NCOA4: variants seen among roughly 807,000 people sequenced by gnomAD.
NCOA4 encodes the protein 70 kDa AR-activator.
A neutral mutation model predicts 69.5 loss-of-function variants in NCOA4; 31 were observed. The ratio of observed to expected loss-of-function variants is 0.45; its 90% CI spans 0.34 to 0.60. The LOEUF is 0.60. Ranked by LOEUF, NCOA4 falls within the 20% of genes least tolerant of loss-of-function variation. The pLI, the probability that NCOA4 is intolerant of heterozygous loss-of-function variation, is 0.02. For missense variants in NCOA4, 600 were observed against 719.2 expected, an observed-to-expected ratio of 0.83 and a Z score of 1.90; for synonymous variants, 228 against 252.4, an observed-to-expected ratio of 0.90 and a Z score of 0.92.
chr10:46,020,421 G>A (rs1258571493), intron 1 of NCOA4, among the ~76,000 whole-genome samples: 4 of 152,186 alleles, frequency 2.6e-5, no homozygotes, highest in African/African-American at 9.7e-5. Flanking sequence ...ACTTAGCCTA[G>A]CACCTGCACA....
At position 46,010,674 on chromosome 10, in the gene NCOA4, C is replaced by T. The variant is rs782306779; in HGVS notation, c.1247G>A (p.Cys416Tyr). 72 of 1,614,072 alleles carry T rather than the reference C, an allele frequency of 4.5e-5. No individual in the cohort carries two copies. The Middle Eastern group carries it at 9.9e-4, about 22-fold the overall frequency. The change falls in exon 8 of 10, where the codon TGT (cysteine) becomes TAT (tyrosine). Residue 416 changes from cysteine (C) to tyrosine (Y), a missense_variant. Cys to Tyr is a radical substitution (Grantham distance 194, BLOSUM62 -2). Transcript: ENST00000581486. ...ANEPCTSFAE[C>Y]VCDENCEKEA... ...CTTCTCACAATTCTCATCACACACA[C>T]ACTCTGCAAAGCTTGTGCAGGGCTC...
intron 4 of NCOA4, 133 bp from the exon 5 acceptor site, chr10:46,014,685 G>C: frequency 1.3e-6 from 1 of 770,276 alleles, no homozygotes; most frequent in Non-Finnish European, 2.1e-6. Context: ...AAGATAGATG[G>C]CTTATTCATG....
intron 1 of NCOA4, among the ~76,000 whole-genome samples, chr10:46,027,008 G>A (rs1398138320): frequency 6.6e-6 from 1 of 152,176 alleles, no homozygotes; most frequent in Non-Finnish European, 1.5e-5. Flanking sequence ...GCTCACGCCT[G>A]TAATCCCAAA....
rs71026286 is a variant in NCOA4, at chr10:46,012,070, G to GAAAAAAAAAAAAAAAAAAAAAA, written c.714+791_714+812dup. ...AGCAAGACTCGGTCTCAAAAAGAAAGAAAAAAAAAAAAAAAAAAAAAAAAA... is the reference window on the plus strand; with the variant it reads ...AGCAAGACTCGGTCTCAAAAAGAAAGAAAAAAAAAAAAAAAAAAAAAAAAAAAAAAAAAAAAAAAAAAAAAAA... On this transcript the variant is annotated intron_variant, in intron 7 of 9. Transcript: ENST00000581486. Among the ~76,000 whole-genome samples, 42 of 44,532 alleles carry GAAAAAAAAAAAAAAAAAAAAAA rather than the reference G, an allele frequency of 9.4e-4. 5 individuals carry two copies. The highest frequency in any genetic ancestry group is 1.3e-3 in the Non-Finnish European group (32 of 24,396). 29.2% of individuals were successfully genotyped at this position (44,532 alleles called of 152,430 possible).
chr10:46,010,731 G>C lies in NCOA4; in HGVS notation c.1190C>G (p.Pro397Arg). The C allele has an allele frequency of 1.9e-6, 3 of 1,613,876 alleles. No homozygotes were observed. Among genetic ancestry groups the C allele is most frequent in the Non-Finnish European group, 1.7e-6 (2 of 1,179,864 alleles). The change falls in exon 8 of 10, where the codon CCA (proline) becomes CGA (arginine). Residue 397 changes from proline to arginine, a missense_variant. Coordinates refer to ENST00000581486, the MANE Select transcript of NCOA4 (RefSeq NM_001145263.2). ...EDWLVQNHQD[P>R]CKVEEVCRAN... ...TCTGCACACCTCCTCTACCTTACAT[G>C]GGTCCTGATGGTTCTGGACAAGCCA...
intron 1 of NCOA4, chr10:46,022,364 T>C (rs1012263251): frequency 1.0e-4 from 45 of 446,316 alleles, no homozygotes; most frequent in Non-Finnish European, 4.1e-5. Flanking sequence ...GTAAAGCTTT[T>C]AGTTTAAAAA....
intron 7 of NCOA4, among the ~76,000 whole-genome samples, chr10:46,012,067 A>AAAG: frequency 8.6e-6 from 1 of 116,236 alleles, no homozygotes; most frequent in Non-Finnish European, 1.8e-5. Context: ...TCTCAAAAAG[A>AAAG]AAGAAAAAAA....
chr10:46,019,596 C>G (rs1448852502), intron 1 of NCOA4: 2 of 848,516 alleles, frequency 2.4e-6, no homozygotes, highest in Non-Finnish European at 2.8e-6. Context: ...ATACGGGAGA[C>G]AAACTCAAAT....
intron 1 of NCOA4, among the ~76,000 whole-genome samples, chr10:46,019,692 G>C (rs1839760997): frequency 6.6e-6 from 1 of 152,134 alleles, no homozygotes; most frequent in East Asian, 1.9e-4. Flanking sequence ...AATAAGAGTA[G>C]ACTACAGCAA....
At position 46,013,939 on chromosome 10, in the gene NCOA4, TAG is replaced by T. The variant is rs1317886794; in HGVS notation, c.481-302_481-301del. On this transcript the variant is annotated intron_variant, in intron 5 of 9. Transcript: ENST00000581486. ...TTACAAAAAATATTTCAAAAGTATT[TAG>T]AGAGATACATGAGGCATTCCAAAGA... 7.2e-5 allele frequency among the ~76,000 whole-genome samples: 11 copies of T among 152,332 alleles called. No individual in the cohort carries two copies. The East Asian group carries it at 2.1e-3, about 29-fold the overall frequency.
intron 9 of NCOA4, among the ~76,000 whole-genome samples, chr10:46,007,212 A>C (rs1838882565): frequency 6.6e-6 from 1 of 152,230 alleles, no homozygotes; most frequent in Non-Finnish European, 1.5e-5. Flanking sequence ...TAGGAGATCA[A>C]ACTAGCCACA....
At chr10:46,016,738 C>A (rs1247512246) in intron 1 of NCOA4, 44 bp from the exon 2 acceptor site, 5 of 1,288,770 alleles carry the variant, frequency 3.9e-6, no homozygotes, top group African/African-American at 1.5e-5. Context: ...ATAATTACAA[C>A]CAAAAACCAC....
chr10:46,008,245 C>T (rs1387789523), intron 9 of NCOA4, among the ~76,000 whole-genome samples: 1 of 152,152 alleles, frequency 6.6e-6, no homozygotes, highest in Non-Finnish European at 1.5e-5. Context: ...TTTTTTAAGG[C>T]CCTAGCTACC....
intron 1 of NCOA4, among the ~76,000 whole-genome samples, chr10:46,016,920 T>C (rs1554923408): frequency 6.6e-6 from 1 of 152,234 alleles, no homozygotes; most frequent in East Asian, 1.9e-4. Flanking sequence ...AGTGACACTT[T>C]ACATGTGAAT....
At chr10:46,007,161 C>A (rs782500850) in intron 9 of NCOA4, among the ~76,000 whole-genome samples, 3 of 152,102 alleles carry the variant, frequency 2.0e-5, no homozygotes, top group African/African-American at 7.2e-5. Context: ...AAAAAGCAAA[C>A]AGCCTTATTT....
intron 1 of NCOA4, chr10:46,023,201 T>TCGCCCC: frequency 3.3e-6 from 3 of 905,388 alleles, no homozygotes; most frequent in Non-Finnish European, 4.0e-6. Flanking sequence ...GCCCTTGCCC[T>TCGCCCC]CGCCCCGGTC....
intron 8 of NCOA4, among the ~76,000 whole-genome samples, chr10:46,009,902 C>G (rs185813584): frequency 6.6e-6 from 1 of 152,136 alleles, no homozygotes; most frequent in Non-Finnish European, 1.5e-5. Flanking sequence ...TGTGGTGGAT[C>G]ACGCCTGTAA....
intron 1 of NCOA4, chr10:46,023,449 A>G (rs1216053169): frequency 9.1e-6 from 9 of 985,470 alleles, no homozygotes; most frequent in Non-Finnish European, 1.1e-5. Context: ...TCACACGGCA[A>G]CTCCAGTTCG....
At chr10:46,027,333 A>C (rs557171463) in intron 1 of NCOA4, 20 of 1,053,690 alleles carry the variant, frequency 1.9e-5, no homozygotes, top group Admixed American at 6.7e-5. Flanking sequence ...TCAGAAGTTA[A>C]GCATTGCAAT....
Sources: allele counts gnomAD v4.1 joint callset (sites outside exome capture counted in the v4.1 genomes callset), GRCh38; gene constraint gnomAD v4.1.1; transcripts MANE v1.5; gene names NCBI Gene and HGNC (gene_info 2026-07-23, HGNC 2026-07-21).